GALM: variants seen among roughly 807,000 people sequenced by gnomAD.
GALM encodes galactose mutarotase, also known as aldose 1-epimerase.
GALM carries 43 observed loss-of-function variants against 37.4 expected under a neutral mutation model. That is an observed-to-expected ratio of 1.15 (90% CI 0.90 to 1.48). GALM has a LOEUF of 1.48. Among genes scored for constraint, GALM ranks in the 40% most tolerant of loss-of-function variants. The pLI, the probability that GALM is intolerant of heterozygous loss-of-function variation, is 0.00. For synonymous variants in GALM, 199 were observed against 170.6 expected, an observed-to-expected ratio of 1.17 and a Z score of -1.30; for missense variants, 456 against 419.1, an observed-to-expected ratio of 1.09 and a Z score of -0.77.
At chr2:38,732,701 G>T (rs1000718102) in intron 6 of GALM, among the ~76,000 whole-genome samples, 3 of 151,284 alleles carry the variant, frequency 2.0e-5, no homozygotes, top group Non-Finnish European at 2.9e-5. Flanking sequence ...CGGGAGGATT[G>T]CTTGAGCCTG....
At chr2:38,713,777 C>A (rs1666216442) in intron 4 of GALM, among the ~76,000 whole-genome samples, 1 of 152,034 alleles carries the variant, frequency 6.6e-6, no homozygotes, top group Non-Finnish European at 1.5e-5. Context: ...TGGTGGCACA[C>A]ACCTGTAGTC....
intron 4 of GALM, among the ~76,000 whole-genome samples, chr2:38,701,500 G>A (rs1384155852): frequency 6.6e-6 from 1 of 152,088 alleles, no homozygotes; most frequent in Non-Finnish European, 1.5e-5. Flanking sequence ...AATTCACTCT[G>A]TCCCCCAGCC....
Position 38,731,770 on chromosome 2 carries a change from T to C in GALM, c.812T>C (p.Val271Ala), listed in dbSNP as rs570948999. 4.3e-6 allele frequency: 7 copies of C among 1,614,038 alleles called. No homozygotes were observed. In the South Asian group the frequency reaches 7.7e-5, roughly 18 times the overall value. ...GCTGCAAGCGGGCGGGTACTAGAAG[T>C]ATACACCACCCAGCCCGGGGTCCAG... Reference protein sequence around the residue: ...HHAASGRVLEVYTTQPGVQFY... With the variant: ...HHAASGRVLEAYTTQPGVQFY... Residue 271 changes from valine to alanine, a missense_variant, in exon 6 of 7, where the codon GTA becomes GCA. Val to Ala is a moderately conservative substitution (Grantham distance 64). Coordinates refer to ENST00000272252, the MANE Select transcript of GALM (RefSeq NM_138801.3).
intron 4 of GALM, among the ~76,000 whole-genome samples, chr2:38,696,253 G>C (rs1044848448): frequency 4.6e-5 from 7 of 151,600 alleles, no homozygotes; most frequent in African/African-American, 1.7e-4. Flanking sequence ...CCAAGTAGCT[G>C]GGATTACAGG....
intron 4 of GALM, among the ~76,000 whole-genome samples, chr2:38,696,433 C>CTTTTTTT (rs35556554): frequency 2.2e-5 from 3 of 136,548 alleles, no homozygotes; most frequent in East Asian, 2.1e-4. Context: ...TTTTTCTTTT[C>CTTTTTTT]TTTTTTTTTT....
intron 4 of GALM, among the ~76,000 whole-genome samples, chr2:38,704,604 G>A (rs1265312917): frequency 6.6e-6 from 1 of 151,662 alleles, no homozygotes; most frequent in Admixed American, 6.6e-5. Context: ...GAACCCAGGG[G>A]TTCAAGGCAA....
chr2:38,732,492 C>T (rs747072464), intron 6 of GALM, among the ~76,000 whole-genome samples: 1 of 152,216 alleles, frequency 6.6e-6, no homozygotes, highest in Admixed American at 6.5e-5. Flanking sequence ...TTCTCCTTAA[C>T]AATACCTTCT....
At chr2:38,732,050 C>CAAA in intron 6 of GALM, 141 bp downstream of exon 6, 3 of 775,490 alleles carry the variant, frequency 3.9e-6, no homozygotes, top group Non-Finnish European at 6.1e-6. Context: ...GACAGAGTCT[C>CAAA]ACTCTTGTCG....
chr2:38,672,531 G>A (rs59812847), intron 1 of GALM, among the ~76,000 whole-genome samples: 11,757 of 152,066 alleles, frequency 0.077, 749 homozygotes, highest in East Asian at 0.32. Context: ...GAAAGCCTGC[G>A]CTTTTCACAT....
At chr2:38,711,788 C>CCAT (rs1666170574) in intron 4 of GALM, among the ~76,000 whole-genome samples, 9 of 88,110 alleles carry the variant, frequency 1.0e-4, no homozygotes, top group African/African-American at 1.3e-4. Flanking sequence ...ACTGTCACCA[C>CCAT]CATCACCATC....
intron 6 of GALM, 89 bp downstream of exon 6, chr2:38,731,998 G>A: frequency 1.8e-6 from 2 of 1,093,742 alleles, no homozygotes; most frequent in South Asian, 2.9e-5. Context: ...CAGCTTGTAT[G>A]ATTCAAAAGT....
chr2:38,709,553 G>GAA (rs1240496310), intron 4 of GALM, among the ~76,000 whole-genome samples: 3 of 114,342 alleles, frequency 2.6e-5, no homozygotes, highest in Non-Finnish European at 3.7e-5. Context: ...CGGTGGAAAG[G>GAA]AAAAAAAAAA....
At chr2:38,686,229 TTTCTTTCTTTCTTTC>T (rs1665517047) in intron 3 of GALM, among the ~76,000 whole-genome samples, 1 of 18,792 alleles carries the variant, frequency 5.3e-5, no homozygotes, top group South Asian at 2.4e-3. Flanking sequence ...AATTTCTTTC[TTTCTTTCTTTCTTTC>T]TTTCTTTCTT....
At chr2:38,666,494 T>A (rs1664941144) in intron 1 of GALM, 143 bp downstream of exon 1, 4 of 616,860 alleles carry the variant, frequency 6.5e-6, no homozygotes, top group African/African-American at 5.6e-5. Context: ...AGCGCATGCA[T>A]CATAGAGGGC....
intron 4 of GALM, among the ~76,000 whole-genome samples, chr2:38,708,075 C>G (rs1355409549): frequency 2.0e-5 from 3 of 148,950 alleles, no homozygotes; most frequent in East Asian, 4.0e-4. Flanking sequence ...CCATTGCACT[C>G]CAGCATGGGC....
Position 38,672,844 on chromosome 2 carries a change from T to TA in GALM, c.191-3053dup, listed in dbSNP as rs201693779. Among the ~76,000 whole-genome samples, 533 of 142,748 alleles carry TA rather than the reference T, an allele frequency of 3.7e-3. 1 individual carries two copies. The highest frequency in any genetic ancestry group is 6.2e-3 in the African/African-American group (242 of 39,146). 93.6% of individuals were successfully genotyped at this position (142,748 alleles called of 152,430 possible). On this transcript the variant is annotated intron_variant, in intron 1 of 6. Coordinates refer to ENST00000272252, the MANE Select transcript of GALM (RefSeq NM_138801.3). ...CAACATGGTGAAAACCCATCTCTAT[T>TA]AAAAAAAAAAAAAAATTTAGCTGGG...
At chr2:38,667,462 C>T (rs1289114609) in intron 1 of GALM, among the ~76,000 whole-genome samples, 2 of 151,946 alleles carry the variant, frequency 1.3e-5, no homozygotes, top group African/African-American at 4.8e-5. Flanking sequence ...CCCAGCTAGT[C>T]AGGAGGCTGA....
chr2:38,694,790 G>A (rs537409069), intron 4 of GALM, among the ~76,000 whole-genome samples: 8 of 151,738 alleles, frequency 5.3e-5, no homozygotes, highest in Non-Finnish European at 1.0e-4. Flanking sequence ...CCAGCTACTC[G>A]GCAGGCTGAG....
At chr2:38,699,579 A>T (rs1476237160) in intron 4 of GALM, among the ~76,000 whole-genome samples, 1 of 152,112 alleles carries the variant, frequency 6.6e-6, no homozygotes, top group Non-Finnish European at 1.5e-5. Context: ...GCACTTTGGG[A>T]GGCCGAGGTG....
Sources: gnomAD v4.1 joint callset for allele counts (sites outside exome capture counted in the v4.1 genomes callset) on GRCh38, gnomAD v4.1.1 for gene constraint, MANE v1.5 for transcripts, NCBI Gene and HGNC (gene_info 2026-07-23, HGNC 2026-07-21) for gene names.